ERICH1: variants seen among roughly 807,000 people sequenced by gnomAD.
ERICH1 encodes the protein glutamate-rich protein 1.
A neutral mutation model predicts 39.6 loss-of-function variants in ERICH1; 56 were observed. That is an observed-to-expected ratio of 1.41 (90% CI 1.14 to 1.77). The LOEUF is 1.77. Ranked by LOEUF, ERICH1 falls within the 40% of genes most tolerant of loss-of-function variation. ERICH1 has a pLI of 0.00. For missense variants in ERICH1, 826 were observed against 575.4 expected (o/e 1.44, Z -4.45); for synonymous variants, 313 against 223.6 (o/e 1.40, Z -3.57).
At chr8:668,871 G>A in intron 4 of ERICH1, 79 bp from the exon 5 acceptor site, 2 of 1,356,052 alleles carry the variant, frequency 1.5e-6, no homozygotes, top group South Asian at 1.4e-5. Flanking sequence ...CCTCTCTTAA[G>A]GAAGGTCTCA....
At chr8:633,347 A>G (rs1410878139) in intron 3 of ERICH1, among the ~76,000 whole-genome samples, 1 of 152,234 alleles carries the variant, frequency 6.6e-6, no homozygotes, top group Non-Finnish European at 1.5e-5. Context: ...ATCAGGATGC[A>G]CTTGTATGAT....
At chr8:681,843 T>G (rs1806197339) in intron 3 of ERICH1, among the ~76,000 whole-genome samples, 1 of 152,180 alleles carries the variant, frequency 6.6e-6, no homozygotes, top group South Asian at 2.1e-4. Context: ...TGCGCTTCCC[T>G]GCAAAATCCA....
At chr8:694,376 T>C (rs1194882344) in intron 2 of ERICH1, among the ~76,000 whole-genome samples, 2 of 152,242 alleles carry the variant, frequency 1.3e-5, no homozygotes, top group Non-Finnish European at 2.9e-5. Flanking sequence ...TTTTGGAAGC[T>C]TTTAATCAGC....
intron 4 of ERICH1, among the ~76,000 whole-genome samples, chr8:669,783 C>G (rs1490651368): frequency 1.3e-5 from 2 of 152,230 alleles, no homozygotes. Flanking sequence ...GAAAACAAGC[C>G]CCCGACTTCC....
chr8:615,017 A>C (rs1796842580), exon 4 of ERICH1: 2 of 434,716 alleles, frequency 4.6e-6, no homozygotes. Flanking sequence ...TGCCTCATTC[A>C]AGCCACCTTG....
chr8:677,271 C>G (rs1004483722), intron 3 of ERICH1, among the ~76,000 whole-genome samples: 1 of 152,156 alleles, frequency 6.6e-6, no homozygotes, highest in African/African-American at 2.4e-5. Context: ...GATGTAGACA[C>G]CCCCCAGCTC....
intron 3 of ERICH1, among the ~76,000 whole-genome samples, chr8:644,265 G>A (rs927875331): frequency 6.6e-6 from 1 of 152,252 alleles, no homozygotes; most frequent in African/African-American, 2.4e-5. Flanking sequence ...CGGGCTTCAG[G>A]GCTCCTGCAG....
intron 3 of ERICH1, chr8:615,503 C>A (rs1796858527): frequency 4.5e-6 from 2 of 440,386 alleles, no homozygotes; most frequent in Non-Finnish European, 4.0e-6. Flanking sequence ...GCACTGACAC[C>A]ATTCCTGCAA....
chr8:712,562 T>C (rs1442199453), intron 2 of ERICH1, among the ~76,000 whole-genome samples: 1 of 152,208 alleles, frequency 6.6e-6, no homozygotes, highest in Non-Finnish European at 1.5e-5. Context: ...CTCGAGTAGC[T>C]GGGACTACAG....
chr8:728,319 G>A (rs531549503), intron 1 of ERICH1, among the ~76,000 whole-genome samples: 2 of 152,302 alleles, frequency 1.3e-5, no homozygotes, highest in South Asian at 4.1e-4. Flanking sequence ...AACACGAGAT[G>A]TCCTGACAGG....
downstream of ERICH1, among the ~76,000 whole-genome samples, chr8:664,041 G>C (rs541969225): frequency 6.6e-6 from 1 of 152,290 alleles, no homozygotes; most frequent in South Asian, 2.1e-4. Context: ...TTACAGGCGT[G>C]AGCCACCGCA....
chr8:650,531 G>C (rs1036943262), intron 3 of ERICH1, among the ~76,000 whole-genome samples: 1 of 152,172 alleles, frequency 6.6e-6, no homozygotes, highest in Admixed American at 6.5e-5. Flanking sequence ...CAGCCGCCCC[G>C]GTGGCTGCAG....
intron 1 of ERICH1, among the ~76,000 whole-genome samples, chr8:728,728 G>A (rs189654246): frequency 2.6e-5 from 4 of 152,148 alleles, no homozygotes; most frequent in Non-Finnish European, 5.9e-5. Context: ...TGCAAAGTAG[G>A]CCCAAGAAAT....
At chr8:620,361 T>C (rs9792123) in intron 3 of ERICH1, among the ~76,000 whole-genome samples, 33,954 of 152,012 alleles carry the variant, frequency 0.22, 4,100 homozygotes, top group East Asian at 0.48. Flanking sequence ...TAATGTTAGA[T>C]ATAAACCTAA....
At chr8:615,463 G>C in intron 3 of ERICH1, 1 of 471,586 alleles carries the variant, frequency 2.1e-6, no homozygotes, top group Non-Finnish European at 3.7e-6. Flanking sequence ...ATAGTGCCTG[G>C]GGTGGCTGTC....
At chr8:665,061 T>A (rs1801978630) in intron 5 of ERICH1, among the ~76,000 whole-genome samples, 1 of 152,008 alleles carries the variant, frequency 6.6e-6, no homozygotes, top group South Asian at 2.1e-4. Flanking sequence ...GGTGAGCAAG[T>A]AGAAAAAAGC....
intron 3 of ERICH1, among the ~76,000 whole-genome samples, chr8:636,824 C>A (rs1289584882): frequency 6.6e-6 from 1 of 152,216 alleles, no homozygotes; most frequent in African/African-American, 2.4e-5. Flanking sequence ...GCCCTCCCGT[C>A]CAGAATCCTC....
chr8:621,448 A>T (rs336424), intron 3 of ERICH1, among the ~76,000 whole-genome samples: 32,922 of 151,964 alleles, frequency 0.22, 4,899 homozygotes, highest in African/African-American at 0.41. Context: ...ACATGTATCA[A>T]ACATCACACA....
rs1317964994 is a variant in ERICH1, at chr8:689,307, C to T, written c.304+3171G>A. Among the ~76,000 whole-genome samples the T allele has an allele frequency of 3.3e-5, 5 of 152,200 alleles. No individual in the cohort carries two copies. In the East Asian group the frequency reaches 9.6e-4, roughly 29 times the overall value. Reference sequence around the variant, plus strand: ...TTATATTTTAGTAGAGACAGGGTTTCGCCATGTTGGCCAGGCTGTTCTCAA... The same window carrying T: ...TTATATTTTAGTAGAGACAGGGTTTTGCCATGTTGGCCAGGCTGTTCTCAA... On this transcript the variant is annotated intron_variant, in intron 3 of 5. Coordinates refer to ENST00000262109, the MANE Select transcript of ERICH1 (RefSeq NM_207332.3).
Sources: allele counts gnomAD v4.1 joint callset (sites outside exome capture counted in the v4.1 genomes callset), GRCh38; gene constraint gnomAD v4.1.1; transcripts MANE v1.5; gene names NCBI Gene and HGNC (gene_info 2026-07-23, HGNC 2026-07-21).